PHTF1: variants seen among roughly 807,000 people sequenced by gnomAD.
The protein encoded by PHTF1 is protein PHTF1.
PHTF1 carries 88 observed loss-of-function variants against 102.4 expected under a neutral mutation model. The observed-to-expected ratio is 0.86, with a 90% confidence interval of 0.72 to 1.03. The LOEUF (loss-of-function observed/expected upper bound fraction) is 1.03, where lower values mean the gene tolerates loss of function less well. PHTF1 is among the 50% of genes least tolerant of loss of function. PHTF1 has a pLI of 0.00. For missense variants in PHTF1, 814 were observed against 909.5 expected, an observed-to-expected ratio of 0.89 and a Z score of 1.35; for synonymous variants, 289 against 305.2, an observed-to-expected ratio of 0.95 and a Z score of 0.55.
At chr1:113,742,196 C>T (rs945855569) in intron 3 of PHTF1, among the ~76,000 whole-genome samples, 4 of 152,204 alleles carry the variant, frequency 2.6e-5, no homozygotes, top group Admixed American at 2.0e-4. Flanking sequence ...GCTTACTACA[C>T]ACCTAGGCTA....
At chr1:113,754,223 CA>C (rs1292547985) in intron 3 of PHTF1, among the ~76,000 whole-genome samples, 1 of 152,090 alleles carries the variant, frequency 6.6e-6, no homozygotes, top group East Asian at 1.9e-4. Context: ...CCAGCCTGGA[CA>C]ACATGGCAAG....
intron 3 of PHTF1, among the ~76,000 whole-genome samples, chr1:113,742,651 T>C (rs1656578177): frequency 6.6e-6 from 1 of 151,708 alleles, no homozygotes; most frequent in African/African-American, 2.4e-5. Context: ...TAAAAAATGG[T>C]ACACCTGTAT....
rs1194047613 is a variant in PHTF1, at chr1:113,759,095, G to A, written c.-103C>T. 1.0e-6 allele frequency: 1 copy of A among 991,004 alleles called. No homozygotes were observed. The highest frequency in any genetic ancestry group is 1.2e-6 in the Non-Finnish European group (1 of 833,746). 61.4% of individuals were successfully genotyped at this position (991,004 alleles called of 1,614,324 possible). ...GTGCCCGGGGTCCCACCGTGAGGCC[G>A]GGGGCGAGGCGGCGGGCCAGGCAGG... On this transcript the variant is annotated 5_prime_UTR_variant, in exon 1 of 19. Transcript: ENST00000369604.
At chr1:113,713,507 T>A (rs939596703) in intron 7 of PHTF1, 69 bp from the exon 8 acceptor site, 1 of 807,820 alleles carries the variant, frequency 1.2e-6, no homozygotes, top group East Asian at 2.7e-5. Context: ...CCACTTTCTT[T>A]TAAGGAATAC....
At chr1:113,737,863 A>T (rs1256618394) in intron 5 of PHTF1, among the ~76,000 whole-genome samples, 1 of 152,244 alleles carries the variant, frequency 6.6e-6, no homozygotes, top group Non-Finnish European at 1.5e-5. Flanking sequence ...ACAAGAAAAG[A>T]CTGAGAAGGC....
chr1:113,723,080 T>TA (rs1653243959), intron 7 of PHTF1, among the ~76,000 whole-genome samples: 1 of 151,802 alleles, frequency 6.6e-6, no homozygotes, highest in Non-Finnish European at 1.5e-5. Flanking sequence ...TACAGCACTA[T>TA]AGTAACCAAA....
chr1:113,752,760 T>C (rs1470746852), intron 3 of PHTF1, among the ~76,000 whole-genome samples: 2 of 152,220 alleles, frequency 1.3e-5, no homozygotes, highest in African/African-American at 2.4e-5. Flanking sequence ...GCAGTTTTCA[T>C]ATTCCTTTCC....
Position 113,732,247 on chromosome 1 carries a change from C to T in PHTF1, c.332-5673G>A, listed in dbSNP as rs141265551. ...GCGCGGTGGCTCAGGCCTGTAATCCCAGCACTTTGGGAGGCCGAGGCAGGT... is the reference window on the plus strand; with the variant it reads ...GCGCGGTGGCTCAGGCCTGTAATCCTAGCACTTTGGGAGGCCGAGGCAGGT... On this transcript the variant is annotated intron_variant, in intron 5 of 18. Coordinates refer to ENST00000369604, the MANE Select transcript of PHTF1 (RefSeq NM_001323043.2). Among the ~76,000 whole-genome samples, 278 of 152,324 alleles carry T rather than the reference C, an allele frequency of 1.8e-3. 1 individual carries two copies. The highest frequency in any genetic ancestry group is 6.3e-3 in the African/African-American group (260 of 41,570).
At chr1:113,748,367 G>T (rs1353365276) in intron 3 of PHTF1, among the ~76,000 whole-genome samples, 1 of 152,020 alleles carries the variant, frequency 6.6e-6, no homozygotes, top group South Asian at 2.1e-4. Context: ...TCTTCTCCAT[G>T]TATTTCCTTT....
intron 7 of PHTF1, chr1:113,713,943 G>C (rs1651564987): frequency 6.5e-6 from 1 of 153,902 alleles, no homozygotes; most frequent in African/African-American, 2.4e-5. Flanking sequence ...AGCTCAGCCA[G>C]AGTAGAACAA....
At chr1:113,745,417 A>G (rs1029221138) in intron 3 of PHTF1, among the ~76,000 whole-genome samples, 4 of 152,208 alleles carry the variant, frequency 2.6e-5, no homozygotes, top group Admixed American at 2.6e-4. Flanking sequence ...AACCTACCCC[A>G]GTAATCTAAT....
chr1:113,758,960 C>A, intron 1 of PHTF1, 63 bp downstream of exon 1: 1 of 1,108,320 alleles, frequency 9.0e-7, no homozygotes, highest in Admixed American at 5.1e-5. Context: ...GGGGGAGGGG[C>A]AGGGGCCGCC....
At chr1:113,755,100 T>C (rs1018943843) in intron 3 of PHTF1, among the ~76,000 whole-genome samples, 3 of 152,022 alleles carry the variant, frequency 2.0e-5, no homozygotes, top group Non-Finnish European at 2.9e-5. Flanking sequence ...CTTTTAAATA[T>C]ATAATTTTAA....
Position 113,700,832 on chromosome 1 carries a change from T to C in PHTF1, c.2008A>G (p.Lys670Glu), listed in dbSNP as rs1260779842. ...RLASLGSETN[K>E]KYSNVSILLT... ...AATATTGAAACATTGCTGTATTTCT[T>C]ATTGGTTTCAGACCCCAGTGAGGCC... Residue 670 changes from lysine to glutamate, a missense_variant, in exon 16 of 19, where the codon AAG becomes GAG. Coordinates refer to ENST00000369604, the MANE Select transcript of PHTF1 (RefSeq NM_001323043.2). 6.2e-7 allele frequency: 1 copy of C among 1,613,976 alleles called. No individual in the cohort carries two copies. Among genetic ancestry groups the C allele is most frequent in the East Asian group, 2.2e-5 (1 of 44,864 alleles).
intron 17 of PHTF1, among the ~76,000 whole-genome samples, chr1:113,698,620 TACACACACACACACACACACACACAC>T (rs56167437): frequency 6.0e-5 from 3 of 49,672 alleles, no homozygotes; most frequent in Admixed American, 2.0e-4. Flanking sequence ...TATATATATA[TACACACACACACACACACACACACAC>T]ACACACACAC....
rs1313977625 is a variant in PHTF1 at position 113,697,379 on chromosome 1, A to G, written c.*326T>C. The G allele has an allele frequency of 4.5e-6, 1 of 221,000 alleles. No individual in the cohort carries two copies. The highest frequency in any genetic ancestry group is 2.3e-5 in the African/African-American group (1 of 43,284). 13.7% of individuals were successfully genotyped at this position (221,000 alleles called of 1,614,324 possible). ...TTTGGGCATCTATCATAGTTGCCCA[A>G]AAGACTATGTCCAGTAAACATAACT... is the stretch of plus-strand genomic sequence containing the variant. On this transcript the variant is annotated 3_prime_UTR_variant, in exon 19 of 19. Transcript: ENST00000369604.
chr1:113,727,840 G>A (rs910994742), intron 5 of PHTF1, among the ~76,000 whole-genome samples: 4 of 151,992 alleles, frequency 2.6e-5, no homozygotes, highest in Non-Finnish European at 5.9e-5. Flanking sequence ...GGTGGCACGC[G>A]CCTGTGGTCC....
chr1:113,735,484 G>T (rs1253365390), intron 5 of PHTF1, among the ~76,000 whole-genome samples: 3 of 145,714 alleles, frequency 2.1e-5, no homozygotes, highest in African/African-American at 7.6e-5. Context: ...ACATTAAAAT[G>T]ATAGTTTTAA....
At chr1:113,728,685 G>A (rs1322010256) in intron 5 of PHTF1, among the ~76,000 whole-genome samples, 1 of 152,218 alleles carries the variant, frequency 6.6e-6, no homozygotes, top group Non-Finnish European at 1.5e-5. Context: ...AAAGTGAGCA[G>A]ATCACTTGAG....
Sources: allele counts gnomAD v4.1 joint callset (sites outside exome capture counted in the v4.1 genomes callset), GRCh38; gene constraint gnomAD v4.1.1; transcripts MANE v1.5; gene names NCBI Gene and HGNC (gene_info 2026-07-23, HGNC 2026-07-21).